The following NEK1 variants were observed in gnomAD, a reference collection of about 807,000 sequenced individuals.
NEK1 encodes the protein serine/threonine-protein kinase Nek1.
Under a neutral mutation model 182.1 loss-of-function variants are expected in NEK1, and 137 were observed. The observed-to-expected ratio is 0.75, with a 90% CI of 0.65 to 0.87. The LOEUF (loss-of-function observed/expected upper bound fraction) is 0.87, where lower values mean the gene tolerates loss of function less well. Ranked by LOEUF, NEK1 falls within the 40% of genes least tolerant of loss-of-function variation. The probability of loss-of-function intolerance (pLI) is 0.00; values close to 1 mark genes in which losing one functional copy is unlikely to be tolerated. For missense variants in NEK1, 1,391 were observed against 1,494.4 expected, an observed-to-expected ratio of 0.93 and a Z score of 1.14; for synonymous variants, 513 against 492.2, an observed-to-expected ratio of 1.04 and a Z score of -0.56.
At chr4:169,460,048 T>C (rs1287479925) in intron 27 of NEK1, among the ~76,000 whole-genome samples, 2 of 152,168 alleles carry the variant, frequency 1.3e-5, no homozygotes, top group South Asian at 2.1e-4. Flanking sequence ...TGTGTCAACA[T>C]TGGTCTATTG....
intron 29 of NEK1, among the ~76,000 whole-genome samples, chr4:169,427,773 G>T (rs1218735315): frequency 6.6e-6 from 1 of 152,074 alleles, no homozygotes; most frequent in Non-Finnish European, 1.5e-5. Flanking sequence ...TGGAATTACA[G>T]GCATAAGCCA....
intron 19 of NEK1, among the ~76,000 whole-genome samples, chr4:169,515,721 C>CA (rs1206660635): frequency 1.1e-5 from 1 of 88,422 alleles, no homozygotes; most frequent in Admixed American, 1.3e-4. Flanking sequence ...TCTCATTGTT[C>CA]AATTCCCACC....
At chr4:169,419,435 C>T (rs1735096100) in intron 31 of NEK1, among the ~76,000 whole-genome samples, 1 of 151,684 alleles carries the variant, frequency 6.6e-6, no homozygotes, top group African/African-American at 2.4e-5. Flanking sequence ...GAATTCTGCA[C>T]AAAGGAACAA....
intron 9 of NEK1, among the ~76,000 whole-genome samples, chr4:169,586,734 G>A (rs1767602585): frequency 6.6e-6 from 1 of 151,408 alleles, no homozygotes; most frequent in Non-Finnish European, 1.5e-5. Flanking sequence ...AAAAACTAAG[G>A]CAATATAGTA....
chr4:169,574,935 G>T (rs1044266689), intron 12 of NEK1, among the ~76,000 whole-genome samples: 15 of 152,160 alleles, frequency 9.9e-5, no homozygotes, highest in Non-Finnish European at 1.0e-4. Context: ...TGCCAAGAAT[G>T]TACTATAAGA....
At chr4:169,405,271 A>G (rs1732398501) in intron 32 of NEK1, among the ~76,000 whole-genome samples, 1 of 152,230 alleles carries the variant, frequency 6.6e-6, no homozygotes, top group African/African-American at 2.4e-5. Context: ...ACAAACCTGT[A>G]CAGCATATGA....
At chr4:169,522,888 G>A (rs1032033787) in intron 19 of NEK1, among the ~76,000 whole-genome samples, 2 of 152,012 alleles carry the variant, frequency 1.3e-5, no homozygotes, top group Non-Finnish European at 2.9e-5. Context: ...ATTGTTTTTT[G>A]TCTAGTGGAT....
chr4:169,566,467 C>T (rs1043580303), intron 12 of NEK1, among the ~76,000 whole-genome samples: 4 of 152,114 alleles, frequency 2.6e-5, no homozygotes, highest in Non-Finnish European at 5.9e-5. Flanking sequence ...AGCCAAAGTA[C>T]TGAAGTATAA....
Position 169,565,204 on chromosome 4 carries a change from T to A in NEK1, c.1021-3008A>T, listed in dbSNP as rs574794747. Reference sequence around the variant, plus strand: ...AAAGAACATTAGCTTTCAAACTTTTTCTAAAGGCGACCCACAATAAGAAAT... The same window carrying A: ...AAAGAACATTAGCTTTCAAACTTTTACTAAAGGCGACCCACAATAAGAAAT... On this transcript the variant is annotated intron_variant, in intron 12 of 35. Transcript: ENST00000507142. 2.6e-5 allele frequency among the ~76,000 whole-genome samples: 4 copies of A among 152,308 alleles called. No homozygotes were observed. In the East Asian group the frequency reaches 5.8e-4, roughly 22 times the overall value.
intron 18 of NEK1, among the ~76,000 whole-genome samples, chr4:169,547,536 G>T (rs1760712088): frequency 6.6e-6 from 1 of 152,180 alleles, no homozygotes; most frequent in African/African-American, 2.4e-5. Context: ...CTAGGTTGCA[G>T]AAGTTCTCCT....
chr4:169,528,709 GTATCAAATAGAA>G (rs1381054941), intron 19 of NEK1, among the ~76,000 whole-genome samples: 12 of 152,326 alleles, frequency 7.9e-5, no homozygotes, highest in Admixed American at 7.2e-4. Context: ...GACTTCCTTA[GTATCAAATAGAA>G]TGTAGATAGG....
chr4:169,539,729 T>C (rs1759095652), intron 18 of NEK1, among the ~76,000 whole-genome samples: 4 of 152,166 alleles, frequency 2.6e-5, no homozygotes, highest in Admixed American at 2.6e-4. Context: ...TGAAACTCTA[T>C]GGTTACAGAT....
At chr4:169,573,429 T>TA (rs559914311) in intron 12 of NEK1, among the ~76,000 whole-genome samples, 178 of 152,334 alleles carry the variant, frequency 1.2e-3, no homozygotes, top group African/African-American at 3.7e-3. Context: ...TATTGAAAGT[T>TA]AGACTAGTTA....
intron 24 of NEK1, among the ~76,000 whole-genome samples, chr4:169,478,166 A>G (rs955461431): frequency 1.8e-4 from 28 of 152,096 alleles, no homozygotes; most frequent in African/African-American, 6.8e-4. Flanking sequence ...ATGAAAGCAA[A>G]GGCATGTAGA....
Position 169,400,556 on chromosome 4 carries a change from A to G in NEK1, c.3679T>C (p.Phe1227Leu), listed in dbSNP as rs756338141. Residue 1227 changes from phenylalanine to leucine, a missense_variant, in exon 34 of 36, where the codon TTT (phenylalanine) becomes CTT (leucine). Coordinates refer to ENST00000507142, the MANE Select transcript of NEK1 (RefSeq NM_001199397.3). ...LRLHLEQEMG[F>L]EKFFEVYEKI... ...TCATAAACCTCAAAGAATTTTTCAA[A>G]GCCCATTTCCTGCTCCAGATGAAGT... is the stretch of plus-strand genomic sequence containing the variant. 1 of 1,605,136 alleles carries G rather than the reference A, an allele frequency of 6.2e-7. No homozygotes were observed. Among genetic ancestry groups the G allele is most frequent in the Non-Finnish European group, 8.5e-7 (1 of 1,177,074 alleles).
At chr4:169,457,312 C>T (rs901265095) in intron 27 of NEK1, among the ~76,000 whole-genome samples, 3 of 151,970 alleles carry the variant, frequency 2.0e-5, no homozygotes, top group African/African-American at 4.8e-5. Context: ...ATCAAAATAC[C>T]TCATGTACCC....
chr4:169,505,816 C>G (rs1244817099), intron 23 of NEK1, among the ~76,000 whole-genome samples: 1 of 151,696 alleles, frequency 6.6e-6, no homozygotes, highest in Non-Finnish European at 1.5e-5. Context: ...AGCAAAAACT[C>G]AAAATGTCTG....
intron 18 of NEK1, chr4:169,553,970 C>T (rs927707378): frequency 3.3e-5 from 5 of 152,196 alleles, no homozygotes; most frequent in African/African-American, 1.2e-4. Context: ...AAGACATGAT[C>T]CAGCAATCAT....
chr4:169,418,214 A>C (rs981771960), intron 31 of NEK1, among the ~76,000 whole-genome samples: 1 of 152,220 alleles, frequency 6.6e-6, no homozygotes, highest in African/African-American at 2.4e-5. Flanking sequence ...CTAGCTCTAG[A>C]ATGAAGACAA....
Sources: gnomAD v4.1 joint callset for allele counts (sites outside exome capture counted in the v4.1 genomes callset) on GRCh38, gnomAD v4.1.1 for gene constraint, MANE v1.5 for transcripts, NCBI Gene and HGNC (gene_info 2026-07-23, HGNC 2026-07-21) for gene names.